The following RMDN2 variants were observed in gnomAD, a reference collection of about 807,000 sequenced individuals.
The protein encoded by RMDN2 is regulator of microtubule dynamics protein 2.
Under a neutral mutation model 52.8 loss-of-function variants are expected in RMDN2, and 61 were observed. The observed-to-expected ratio is 1.16, with a 90% CI of 0.94 to 1.43. RMDN2 has a LOEUF of 1.43. RMDN2 is among the 40% of genes most tolerant of loss of function. The pLI, the probability that RMDN2 is intolerant of heterozygous loss-of-function variation, is 0.00. For missense variants in RMDN2, 592 were observed against 475.3 expected (o/e 1.25, Z -2.28); for synonymous variants, 180 against 153.1 (o/e 1.18, Z -1.30).
intron 2 of RMDN2, chr2:37,951,841 A>C: frequency 6.2e-7 from 1 of 1,613,670 alleles, no homozygotes; most frequent in Non-Finnish European, 8.5e-7. Flanking sequence ...GCCTCCTATC[A>C]ACAAAGCACA....
chr2:37,975,801 CA>C (rs1010328510), intron 4 of RMDN2, among the ~76,000 whole-genome samples: 3 of 151,880 alleles, frequency 2.0e-5, no homozygotes, highest in African/African-American at 7.3e-5. Context: ...TATTATGGTA[CA>C]AAAAAATGTA....
Position 37,941,339 on chromosome 2 carries a change from G to C in RMDN2, c.452+11610G>C, listed in dbSNP as rs528473232. On this transcript the variant is annotated intron_variant, in intron 2 of 10. Transcript: ENST00000354545. ...TGCGAGATGTCTGTTGACCCCTGCT[G>C]GGAGGTGTCTCCCTGTCAGGAGGCA... Among the ~76,000 whole-genome samples, 188 of 152,314 alleles carry C rather than the reference G, an allele frequency of 1.2e-3. 3 individuals carry two copies. The highest frequency in any genetic ancestry group is 1.8e-3 in the Non-Finnish European group (125 of 68,024).
At chr2:38,028,954 A>C (rs17490414) in intron 10 of RMDN2, among the ~76,000 whole-genome samples, 8,614 of 152,080 alleles carry the variant, frequency 0.057, 329 homozygotes, top group Middle Eastern at 0.095. Flanking sequence ...GCTCCCTCAA[A>C]CCACTTTCCT....
Position 37,991,255 on chromosome 2 carries a change from G to A in RMDN2, c.903G>A (p.Glu301=), listed in dbSNP as rs920287177. ...ATATAGCAATCAAACTTTTACCAGA[G>A]GAACCCTTTCTATATTACCTCAAAG... The part of the protein sequence containing the change: ...HLDIAIKLLP[E]EPFLYYLKGR... Residue 301 remains glutamate (E), a synonymous_variant, in exon 7 of 11, where the codon GAG becomes GAA. Transcript: ENST00000354545. 1 of 1,589,758 alleles carries A rather than the reference G, an allele frequency of 6.3e-7. No homozygotes were observed. Among genetic ancestry groups the A allele is most frequent in the Admixed American group, 1.8e-5 (1 of 56,602 alleles).
intron 6 of RMDN2, among the ~76,000 whole-genome samples, chr2:37,990,625 G>C (rs927100082): frequency 2.6e-5 from 4 of 151,696 alleles, no homozygotes. Context: ...TGATTTGGTG[G>C]AGGAAAAGTA....
intron 10 of RMDN2, among the ~76,000 whole-genome samples, chr2:38,046,324 C>A (rs1017848304): frequency 2.0e-5 from 3 of 152,118 alleles, no homozygotes; most frequent in African/African-American, 7.2e-5. Context: ...CAGCTGACTG[C>A]TAAACTATGC....
intron 10 of RMDN2, chr2:38,028,253 CA>C (rs1679926413): frequency 6.6e-6 from 1 of 152,070 alleles, no homozygotes; most frequent in South Asian, 2.1e-4. Context: ...ATTTAGAATG[CA>C]AAAGACAGCA....
At position 38,007,383 on chromosome 2, in the gene RMDN2, G is replaced by T. The variant is rs191541602; in HGVS notation, c.1179+3167G>T. On this transcript the variant is annotated intron_variant, in intron 10 of 10. Transcript: ENST00000354545. Reference sequence around the variant, plus strand: ...TATTAATTATTGCCTCGATTTCAGAGCCTGTTATTGGTCTGTTAAGAGATT... The same window carrying T: ...TATTAATTATTGCCTCGATTTCAGATCCTGTTATTGGTCTGTTAAGAGATT... 2.7e-3 allele frequency among the ~76,000 whole-genome samples: 416 copies of T among 152,240 alleles called. 2 individuals carry two copies. The highest frequency in any genetic ancestry group is 0.012 in the South Asian group (59 of 4,822).
intron 2 of RMDN2, chr2:37,951,133 G>T: frequency 2.7e-6 from 3 of 1,131,596 alleles, no homozygotes; most frequent in Non-Finnish European, 2.5e-6. Context: ...AATACCAATT[G>T]GTGGACACCA....
intron 10 of RMDN2, among the ~76,000 whole-genome samples, chr2:38,061,511 G>A (rs575435405): frequency 6.6e-6 from 1 of 151,594 alleles, no homozygotes; most frequent in East Asian, 2.0e-4. Flanking sequence ...CTCAGTGCCT[G>A]TATTTTCTTC....
intron 2 of RMDN2, among the ~76,000 whole-genome samples, chr2:37,933,642 T>C (rs1345683430): frequency 6.6e-6 from 1 of 152,190 alleles, no homozygotes; most frequent in Non-Finnish European, 1.5e-5. Flanking sequence ...CGTGGCGGCG[T>C]GCGCCTGCAA....
chr2:37,983,526 T>C lies in RMDN2; in HGVS notation c.791+2183T>C, dbSNP rs867180546. On this transcript the variant is annotated intron_variant, in intron 5 of 10. Coordinates refer to ENST00000354545, the MANE Select transcript of RMDN2 (RefSeq NM_001170791.3). ...CCTAATTTCTTATTCAGTATCAGTT[T>C]TGAATTAAAAAAATAAAATTAATCA... is the stretch of plus-strand genomic sequence containing the variant. Among the ~76,000 whole-genome samples, 10 of 152,346 alleles carry C rather than the reference T, an allele frequency of 6.6e-5. No individual in the cohort carries two copies. In the Middle Eastern group the frequency reaches 0.01, roughly 155 times the overall value.
chr2:37,991,203 T>G lies in RMDN2; in HGVS notation c.868-17T>G, dbSNP rs775198653. 4.7e-6 allele frequency: 7 copies of G among 1,487,340 alleles called. No homozygotes were observed. The South Asian group carries it at 8.7e-5, about 19-fold the overall frequency. The allele number at this position is 1,487,340 out of a possible 1,614,324, so 92.1% of individuals were successfully genotyped here. On this transcript the variant is annotated splice_polypyrimidine_tract_variant and intron_variant, in intron 6 of 10. Coordinates refer to ENST00000354545, the MANE Select transcript of RMDN2 (RefSeq NM_001170791.3). ...CTGAAACTTGGGAGATGATTTTCCTTTGGATGCTTTTTTCAGGAACATCTA... is the reference window on the plus strand; with the variant it reads ...CTGAAACTTGGGAGATGATTTTCCTGTGGATGCTTTTTTCAGGAACATCTA...
intron 2 of RMDN2, among the ~76,000 whole-genome samples, chr2:37,967,914 A>G (rs1375403713): frequency 6.6e-6 from 1 of 152,276 alleles, no homozygotes; most frequent in Non-Finnish European, 1.5e-5. Flanking sequence ...GAGATGGACT[A>G]AATGGCTGGT....
chr2:37,975,051 G>C, intron 3 of RMDN2, 161 bp from the exon 4 acceptor site: 2 of 621,718 alleles, frequency 3.2e-6, no homozygotes, highest in South Asian at 3.6e-5. Context: ...TGAGTATTTG[G>C]ATTAAAAATG....
chr2:37,997,690 A>T, intron 8 of RMDN2, 176 bp downstream of exon 8: 1 of 563,860 alleles, frequency 1.8e-6, no homozygotes, highest in East Asian at 3.0e-5. Flanking sequence ...TTAAGTCTAA[A>T]CTCCTTAGAA....
At chr2:37,978,399 A>G (rs1334234085) in intron 4 of RMDN2, among the ~76,000 whole-genome samples, 1 of 152,130 alleles carries the variant, frequency 6.6e-6, no homozygotes, top group Non-Finnish European at 1.5e-5. Context: ...GGTATTATGT[A>G]CTAAGGTAGG....
At chr2:37,948,537 C>A (rs1176296710) in intron 2 of RMDN2, among the ~76,000 whole-genome samples, 1 of 152,060 alleles carries the variant, frequency 6.6e-6, no homozygotes, top group African/African-American at 2.4e-5. Flanking sequence ...GAAGGACGAA[C>A]ATGTTTTAGA....
At chr2:37,926,802 T>C (rs976365129) in intron 1 of RMDN2, among the ~76,000 whole-genome samples, 1 of 152,148 alleles carries the variant, frequency 6.6e-6, no homozygotes, top group Non-Finnish European at 1.5e-5. Context: ...CGGGCGTGGT[T>C]GCCCACGCTT....
Sources: gnomAD v4.1 joint callset for allele counts (sites outside exome capture counted in the v4.1 genomes callset) on GRCh38, gnomAD v4.1.1 for gene constraint, MANE v1.5 for transcripts, NCBI Gene and HGNC (gene_info 2026-07-23, HGNC 2026-07-21) for gene names.